The following L3MBTL3 variants were observed in gnomAD, a reference collection of about 807,000 sequenced individuals.
L3MBTL3 encodes lethal(3)malignant brain tumor-like protein 3.
L3MBTL3 carries 27 observed loss-of-function variants against 102.3 expected under a neutral mutation model. The ratio of observed to expected loss-of-function variants is 0.26; its 90% CI spans 0.19 to 0.36. L3MBTL3 has a LOEUF of 0.36. Among genes scored for constraint, L3MBTL3 ranks in the 10% least tolerant of loss-of-function variants. The pLI is 1.00. For missense variants in L3MBTL3, 798 were observed against 955.3 expected, an observed-to-expected ratio of 0.84 and a Z score of 2.17; for synonymous variants, 340 against 320.9, an observed-to-expected ratio of 1.06 and a Z score of -0.64.
At chr6:130,101,080 A>G (rs1044694780) in intron 18 of L3MBTL3, among the ~76,000 whole-genome samples, 18 of 152,324 alleles carry the variant, frequency 1.2e-4, no homozygotes, top group African/African-American at 3.6e-4. Context: ...TTAAATTGTT[A>G]TTATTTTTTG....
At chr6:130,051,500 T>G in intron 6 of L3MBTL3, 92 bp downstream of exon 6, 1 of 1,151,136 alleles carries the variant, frequency 8.7e-7, no homozygotes, top group Non-Finnish European at 1.3e-6. Flanking sequence ...TCTCGGACAT[T>G]GATCACCTAT....
At chr6:130,083,478 C>T (rs1783493902) in intron 14 of L3MBTL3, 142 bp from the exon 15 acceptor site, 1 of 413,664 alleles carries the variant, frequency 2.4e-6, no homozygotes. Context: ...TTACTAATAG[C>T]TCTGAATGTG....
intron 18 of L3MBTL3, among the ~76,000 whole-genome samples, chr6:130,101,633 G>C (rs1022121522): frequency 3.9e-5 from 6 of 152,230 alleles, no homozygotes; most frequent in African/African-American, 1.4e-4. Flanking sequence ...CAGGGGGACT[G>C]AGAGCAGTGG....
chr6:130,125,850 G>C (rs1189170309), intron 20 of L3MBTL3, among the ~76,000 whole-genome samples: 4 of 152,074 alleles, frequency 2.6e-5, no homozygotes, highest in Non-Finnish European at 4.4e-5. Context: ...AGACTCCGTA[G>C]GTCCATGAGG....
At chr6:130,062,633 A>G (rs1159955807) in intron 10 of L3MBTL3, among the ~76,000 whole-genome samples, 2 of 148,982 alleles carry the variant, frequency 1.3e-5, no homozygotes, top group Non-Finnish European at 3.0e-5. Context: ...GGGCTCAAGC[A>G]GTCCTCCCAT....
intron 22 of L3MBTL3, 116 bp downstream of exon 22, chr6:130,134,021 T>G: frequency 3.9e-6 from 3 of 765,528 alleles, no homozygotes; most frequent in Non-Finnish European, 4.5e-6. Context: ...TGTGTTGAAA[T>G]TGACAAATTG....
intron 10 of L3MBTL3, among the ~76,000 whole-genome samples, chr6:130,062,366 A>G (rs1176228331): frequency 1.3e-5 from 2 of 150,616 alleles, no homozygotes; most frequent in Non-Finnish European, 3.0e-5. Context: ...ACACAGACAA[A>G]CACACGCGCG....
intron 3 of L3MBTL3, among the ~76,000 whole-genome samples, chr6:130,043,858 G>T (rs949726291): frequency 6.6e-6 from 1 of 152,178 alleles, no homozygotes; most frequent in African/African-American, 2.4e-5. Flanking sequence ...GTTTAATTAA[G>T]TGTAATGTGC....
At chr6:130,027,419 C>A (rs188984857) in intron 2 of L3MBTL3, among the ~76,000 whole-genome samples, 1 of 152,228 alleles carries the variant, frequency 6.6e-6, no homozygotes, top group African/African-American at 2.4e-5. Flanking sequence ...TTTTCTCCAT[C>A]CATTACACTG....
At chr6:130,049,250 TAA>T in intron 3 of L3MBTL3, 30 bp from the exon 4 acceptor site, 1 of 1,275,632 alleles carries the variant, frequency 7.8e-7, no homozygotes, top group South Asian at 1.2e-5. Flanking sequence ...GAGCACTTTT[TAA>T]ATTTTGCCTT....
chr6:130,069,537 T>C (rs1782489949), intron 12 of L3MBTL3, among the ~76,000 whole-genome samples: 1 of 152,240 alleles, frequency 6.6e-6, no homozygotes, highest in Admixed American at 6.5e-5. Context: ...GGCCAGCTTA[T>C]TATTTTAAAA....
intron 20 of L3MBTL3, among the ~76,000 whole-genome samples, chr6:130,127,593 T>C (rs1786699319): frequency 1.3e-5 from 2 of 151,884 alleles, no homozygotes; most frequent in African/African-American, 4.9e-5. Flanking sequence ...AGAATCAACA[T>C]TTAAAAAACA....
chr6:130,115,327 C>T (rs6914419), intron 19 of L3MBTL3, among the ~76,000 whole-genome samples: 48,431 of 152,054 alleles, frequency 0.32, 8,031 homozygotes, highest in Non-Finnish European at 0.37. Context: ...ACTGTCAATC[C>T]GAGCTTCCTA....
chr6:130,036,449 A>G (rs1035463031), intron 2 of L3MBTL3, among the ~76,000 whole-genome samples: 1 of 152,242 alleles, frequency 6.6e-6, no homozygotes, highest in Non-Finnish European at 1.5e-5. Context: ...CTATTTTTAC[A>G]AAGGTTAGAT....
Position 130,139,745 on chromosome 6 carries a change from G to A in L3MBTL3, c.2335G>A (p.Glu779Lys). 1.2e-6 allele frequency: 2 copies of A among 1,612,878 alleles called. No homozygotes were observed. The highest frequency in any genetic ancestry group is 1.7e-6 in the Non-Finnish European group (2 of 1,179,638). Residue 779 changes from glutamate (E) to lysine (K), a missense_variant, in exon 23 of 23, where the codon GAA becomes AAA. This residue lies in a region of L3MBTL3 where 48 missense variants were observed against 107.0 expected (regional missense o/e 0.45). Transcript: ENST00000361794. ...FKAAEKNSHN[E>K]L ...AGCTGCAGAGAAGAATTCTCACAAT[G>A]AACTTTGAAGATGGTGAATTCTGAA...
At chr6:130,021,876 A>T (rs969113272) in intron 1 of L3MBTL3, among the ~76,000 whole-genome samples, 4 of 152,126 alleles carry the variant, frequency 2.6e-5, no homozygotes, top group African/African-American at 9.7e-5. Context: ...TGTAATATCT[A>T]TTCTTTTTCC....
At chr6:130,079,523 A>G (rs945789183) in intron 14 of L3MBTL3, among the ~76,000 whole-genome samples, 4 of 152,204 alleles carry the variant, frequency 2.6e-5, no homozygotes, top group Non-Finnish European at 4.4e-5. Flanking sequence ...TCAAGGGGCC[A>G]TGACCACTCC....
intron 16 of L3MBTL3, among the ~76,000 whole-genome samples, chr6:130,087,020 G>A (rs1311142888): frequency 6.6e-6 from 1 of 152,126 alleles, no homozygotes; most frequent in Non-Finnish European, 1.5e-5. Context: ...CACTTTTACT[G>A]ATGAGGCAGA....
intron 19 of L3MBTL3, among the ~76,000 whole-genome samples, chr6:130,115,764 CTA>C (rs1313396682): frequency 6.6e-6 from 1 of 152,146 alleles, no homozygotes; most frequent in Non-Finnish European, 1.5e-5. Context: ...TAAGATTTCA[CTA>C]TGATTGTATT....
Sources: allele counts gnomAD v4.1 joint callset (sites outside exome capture counted in the v4.1 genomes callset), GRCh38; gene constraint gnomAD v4.1.1; regional missense constraint gnomAD v4.1.1; transcripts MANE v1.5; gene names NCBI Gene and HGNC (gene_info 2026-07-23, HGNC 2026-07-21).